Variants in WBP2 observed in about 807,000 individuals in gnomAD.
WBP2 encodes WW domain-binding protein 2.
A neutral mutation model predicts 33.0 loss-of-function variants in WBP2; 23 were observed. That is an observed-to-expected ratio of 0.70 (90% confidence interval 0.50 to 0.99). The LOEUF is 0.99. Among genes scored for constraint, WBP2 ranks in the 50% least tolerant of loss-of-function variants. The pLI, the probability that WBP2 is intolerant of heterozygous loss-of-function variation, is 0.00. For missense variants in WBP2, 353 were observed against 358.0 expected, an observed-to-expected ratio of 0.99 and a Z score of 0.11; for synonymous variants, 153 against 133.5, an observed-to-expected ratio of 1.15 and a Z score of -1.01.
At position 75,847,795 on chromosome 17, in the gene WBP2, C is replaced by A; in HGVS notation, c.532+1G>T. The A allele has an allele frequency of 6.4e-7, 1 of 1,555,518 alleles. No individual in the cohort carries two copies. On this transcript the variant is annotated splice_donor_variant, in intron 5 of 7. Transcript: ENST00000254806. LOFTEE classifies it high-confidence loss of function. Reference sequence around the variant, plus strand: ...GTGGGGGCAGCAAAGGACACACTCACCAGGTGGGGGCGGTGGATAGGGGTA... The same window carrying A: ...GTGGGGGCAGCAAAGGACACACTCAACAGGTGGGGGCGGTGGATAGGGGTA...
At chr17:75,847,068 G>T in intron 6 of WBP2, 84 bp from the exon 7 acceptor site, 1 of 1,496,784 alleles carries the variant, frequency 6.7e-7, no homozygotes. Context: ...CCCATGGCTC[G>T]GGGCAGCTGG....
At position 75,847,190 on chromosome 17, in the gene WBP2, C is replaced by T. The variant is rs969094429; in HGVS notation, c.656-206G>A. The T allele has an allele frequency of 1.5e-5, 10 of 683,952 alleles. No individual in the cohort carries two copies. In the African/African-American group the frequency reaches 1.8e-4, roughly 12 times the overall value. 42.4% of individuals were successfully genotyped at this position (683,952 alleles called of 1,614,324 possible). A position where few individuals can be genotyped will look rare whatever the true frequency, so the allele number is the denominator to read the frequency against. ...ATCGCATGTCTCACCTCATCTAATCCTTGAGCCAATGCCCCAGGTGCCACT... is the reference window on the plus strand; with the variant it reads ...ATCGCATGTCTCACCTCATCTAATCTTTGAGCCAATGCCCCAGGTGCCACT... On this transcript the variant is annotated intron_variant, in intron 6 of 7. Transcript: ENST00000254806.
chr17:75,848,956 C>T, intron 3 of WBP2: 1 of 447,108 alleles, frequency 2.2e-6, no homozygotes, highest in South Asian at 2.5e-5. Flanking sequence ...ACACGGGTGC[C>T]AAGGCCACAT....
intron 3 of WBP2, 96 bp from the exon 4 acceptor site, chr17:75,848,758 C>T (rs1196338911): frequency 2.9e-5 from 33 of 1,149,078 alleles, no homozygotes; most frequent in Non-Finnish European, 3.9e-5. Flanking sequence ...ATCCAACGCC[C>T]GGGAGGCCTG....
rs539310577 is a variant in WBP2, at chr17:75,848,245, G to C, written c.398-315C>G. ...GAGGATGTCTGCTGGCCCATCCCTCGGTCATTTTCAATGGCTGCGGAACCG... is the reference window on the plus strand; with the variant it reads ...GAGGATGTCTGCTGGCCCATCCCTCCGTCATTTTCAATGGCTGCGGAACCG... On this transcript the variant is annotated intron_variant, in intron 4 of 7. Coordinates refer to ENST00000254806, the MANE Select transcript of WBP2 (RefSeq NM_012478.4). 72 of 581,494 alleles carry C rather than the reference G, an allele frequency of 1.2e-4. 1 individual carries two copies. Among genetic ancestry groups the C allele is most frequent in the Admixed American group, 8.5e-4 (28 of 32,828 alleles). 36.0% of individuals were successfully genotyped at this position (581,494 alleles called of 1,614,324 possible). A position where few individuals can be genotyped will look rare whatever the true frequency, so the allele number is the denominator to read the frequency against.
chr17:75,848,611 G>T lies in WBP2; in HGVS notation c.356C>A (p.Ala119Asp). Residue 119 changes from alanine (A) to aspartate (D), a missense_variant, in exon 4 of 8, where the codon GCC becomes GAC. Ala to Asp is a moderately radical substitution (Grantham distance 126, BLOSUM62 -2). Coordinates refer to ENST00000254806, the MANE Select transcript of WBP2 (RefSeq NM_012478.4). The stretch of plus-strand genomic sequence containing the variant: ...GAGCATCCGCTGTCCGAACTCAATG[G>T]CGCCCCCTGCCGTGAAAGTCAACTT... ...SYKLTFTAGG[A>D]IEFGQRMLQV... 6.2e-7 allele frequency: 1 copy of T among 1,614,022 alleles called. No individual in the cohort carries two copies. Among genetic ancestry groups the T allele is most frequent in the Non-Finnish European group, 8.5e-7 (1 of 1,179,948 alleles).
At chr17:75,851,850 C>A (rs2065029814) in intron 1 of WBP2, 174 bp from the exon 2 acceptor site, 2 of 468,572 alleles carry the variant, frequency 4.3e-6, no homozygotes, top group Non-Finnish European at 8.1e-6. Flanking sequence ...GCCCGTAATC[C>A]CAGCACTTTG....
chr17:75,848,955 C>T, intron 3 of WBP2: 1 of 446,202 alleles, frequency 2.2e-6, no homozygotes, highest in Non-Finnish European at 4.1e-6. Context: ...TACACGGGTG[C>T]CAAGGCCACA....
intron 2 of WBP2, 166 bp downstream of exon 2, chr17:75,851,402 G>A: frequency 1.7e-6 from 1 of 577,872 alleles, no homozygotes; most frequent in Non-Finnish European, 3.2e-6. Context: ...TGGTGATTCT[G>A]GAATCCAGGA....
In WBP2 at chr17:75,855,256, G is replaced by A; in HGVS notation, c.42C>T (p.Ile14=). The A allele has an allele frequency of 6.2e-7, 1 of 1,609,222 alleles. No homozygotes were observed. ...GTTTTCACCTCTCGGTGTTATTGAC[G>A]ATCACTCCGCCGCCCTCCGAGTGAT... The part of the protein sequence containing the change: ...NKNHSEGGGV[I]VNNTESILMS... Residue 14 remains isoleucine (I), a synonymous_variant, in exon 1 of 8, where the codon ATC becomes ATT. Coordinates refer to ENST00000254806, the MANE Select transcript of WBP2 (RefSeq NM_012478.4).
chr17:75,852,765 T>C (rs2065035560), intron 1 of WBP2: 2 of 984,908 alleles, frequency 2.0e-6, no homozygotes, highest in South Asian at 9.4e-5. Context: ...AACTCTTCTA[T>C]TTTCTTTTAA....
intron 1 of WBP2, among the ~76,000 whole-genome samples, chr17:75,853,458 T>G (rs1322975973): frequency 6.6e-6 from 1 of 152,206 alleles, no homozygotes; most frequent in Non-Finnish European, 1.5e-5. Flanking sequence ...CACACCTTAC[T>G]TAGCAGGACT....
At chr17:75,856,385 TG>T (rs1433996783), upstream of WBP2, 1 of 152,216 alleles carries the variant, frequency 6.6e-6, no homozygotes, top group Non-Finnish European at 1.5e-5. Flanking sequence ...CTGACTGTGG[TG>T]GCCAACCTCT....
At chr17:75,852,745 G>A in intron 1 of WBP2, 1 of 982,736 alleles carries the variant, frequency 1.0e-6, no homozygotes, top group Non-Finnish European at 1.2e-6. Flanking sequence ...GTGAGCCACT[G>A]CGCCCGGCCA....
chr17:75,847,110 G>T, intron 6 of WBP2, 126 bp from the exon 7 acceptor site: 1 of 1,054,008 alleles, frequency 9.5e-7, no homozygotes, highest in Non-Finnish European at 1.4e-6. Flanking sequence ...AATGAGAGCA[G>T]CAGGTGAGGT....
Position 75,846,944 on chromosome 17 carries a change from G to A in WBP2, c.696C>T (p.Tyr232=), listed in dbSNP as rs974179399. ...AGACGTTGTGAGGATTGCCTGGGTT[G>A]TAATAGGCGCTGGCGGCTGCTTCTG... ...KAAEAAASAY[Y]NPGNPHNVYM... is the part of the protein sequence containing the mutation. The change falls in exon 7 of 8, where the codon TAC becomes TAT. Residue 232 remains tyrosine (Y), a synonymous_variant. Transcript: ENST00000254806. The surrounding 1 kb of genome is among the most constrained non-coding windows in gnomAD (Gnocchi z 4.8). The A allele has an allele frequency of 3.7e-6, 6 of 1,614,136 alleles. No homozygotes were observed. Among genetic ancestry groups the A allele is most frequent in the Non-Finnish European group, 3.4e-6 (4 of 1,179,990 alleles).
At chr17:75,854,562 A>T (rs1006548030) in intron 1 of WBP2, among the ~76,000 whole-genome samples, 1 of 152,182 alleles carries the variant, frequency 6.6e-6, no homozygotes, top group African/African-American at 2.4e-5. Context: ...ATGACTACGG[A>T]CCCACACAGT....
chr17:75,849,752 A>G lies in WBP2; in HGVS notation c.169-13T>C. 6.2e-7 allele frequency: 1 copy of G among 1,613,530 alleles called. No homozygotes were observed. The highest frequency in any genetic ancestry group is 8.5e-7 in the Non-Finnish European group (1 of 1,179,880). On this transcript the variant is annotated splice_polypyrimidine_tract_variant and intron_variant, in intron 2 of 7. Transcript: ENST00000254806. ...ACAGAAAGATGACCTGCAGGGAGAG[A>G]GGGTGAGGCCATCAGTACTAGAAGC... is the stretch of plus-strand genomic sequence containing the variant.
At chr17:75,849,821 C>T (rs568432060) in intron 2 of WBP2, 82 bp from the exon 3 acceptor site, 19 of 1,546,414 alleles carry the variant, frequency 1.2e-5, no homozygotes, top group South Asian at 1.1e-4. Context: ...CTGGGAGTGA[C>T]GAATCCTCTC....
Sources: gnomAD v4.1 joint callset for allele counts (sites outside exome capture counted in the v4.1 genomes callset) on GRCh38, gnomAD v4.1.1 for gene constraint, Gnocchi (gnomAD v3.1) non-coding constraint, MANE v1.5 for transcripts, NCBI Gene and HGNC (gene_info 2026-07-23, HGNC 2026-07-21) for gene names.